The following FGGY variants were observed in gnomAD, a reference collection of about 807,000 sequenced individuals.
FGGY encodes FGGY carbohydrate kinase domain-containing protein.
Under a neutral mutation model 71.3 loss-of-function variants are expected in FGGY, and 72 were observed. The observed-to-expected ratio is 1.01, with a 90% CI of 0.84 to 1.23. The LOEUF (loss-of-function observed/expected upper bound fraction) is 1.23, where lower values mean the gene tolerates loss of function less well. Ranked by LOEUF, FGGY falls within the 50% of genes most tolerant of loss-of-function variation. The pLI is 0.00. For missense variants in FGGY, 668 were observed against 682.3 expected (o/e 0.98, Z 0.23); for synonymous variants, 251 against 250.3 (o/e 1.00, Z -0.02).
At chr1:59,522,244 T>C (rs1205267748) in intron 7 of FGGY, among the ~76,000 whole-genome samples, 1 of 152,254 alleles carries the variant, frequency 6.6e-6, no homozygotes, top group Non-Finnish European at 1.5e-5. Context: ...GCAGAGCCTA[T>C]GAGCTCTCCC....
intron 14 of FGGY, chr1:59,698,761 A>G: frequency 1.0e-6 from 1 of 985,422 alleles, no homozygotes; most frequent in African/African-American, 1.7e-5. Flanking sequence ...CTTTCTGCTT[A>G]AAGAGAAAGC....
At chr1:59,372,651 AAATCCTCAATAAAATACTGGCAAACTG>A (rs1351453014) in intron 4 of FGGY, among the ~76,000 whole-genome samples, 1 of 152,222 alleles carries the variant, frequency 6.6e-6, no homozygotes, top group East Asian at 1.9e-4. Context: ...ATTGATGCAA[AAATCCTCAATAAAATACTGGCAAACTG>A]AATCCAGCAC....
chr1:59,718,003 A>G (rs1471322403), intron 14 of FGGY, among the ~76,000 whole-genome samples: 1 of 152,178 alleles, frequency 6.6e-6, no homozygotes, highest in Non-Finnish European at 1.5e-5. Flanking sequence ...CACAGCTGGT[A>G]TGTAGAGAAA....
intron 11 of FGGY, among the ~76,000 whole-genome samples, chr1:59,650,640 AT>A (rs1558675313): frequency 9.0e-6 from 1 of 110,710 alleles, no homozygotes; most frequent in Non-Finnish European, 1.7e-5. Context: ...TTCTTCTCTC[AT>A]TTCTTCTTTA....
At chr1:59,635,090 C>T (rs1026702322) in intron 10 of FGGY, among the ~76,000 whole-genome samples, 3 of 152,072 alleles carry the variant, frequency 2.0e-5, no homozygotes, top group African/African-American at 4.8e-5. Context: ...TGAGAAGGAA[C>T]TGATAAAACA....
chr1:59,390,946 A>G (rs751013309), intron 5 of FGGY, among the ~76,000 whole-genome samples: 3 of 152,216 alleles, frequency 2.0e-5, no homozygotes, highest in Admixed American at 6.5e-5. Flanking sequence ...TCTGTGAGGC[A>G]TTCTCTCCCT....
chr1:59,750,296 T>TA (rs1372412021), intron 14 of FGGY, among the ~76,000 whole-genome samples: 4 of 152,226 alleles, frequency 2.6e-5, no homozygotes, highest in Middle Eastern at 3.4e-3. Context: ...ACTGGGCGTC[T>TA]AAAAATTTTT....
At chr1:59,359,026 G>T (rs1557662437) in intron 4 of FGGY, among the ~76,000 whole-genome samples, 2 of 152,190 alleles carry the variant, frequency 1.3e-5, no homozygotes, top group Non-Finnish European at 2.9e-5. Context: ...AAAAATTATT[G>T]TAAAGGTTAG....
chr1:59,438,367 CTTTG>C (rs2068980578), intron 5 of FGGY, among the ~76,000 whole-genome samples: 1 of 152,188 alleles, frequency 6.6e-6, no homozygotes, highest in African/African-American at 2.4e-5. Context: ...TCACTTCCTT[CTTTG>C]TTTCAATATA....
intron 15 of FGGY, among the ~76,000 whole-genome samples, chr1:59,758,513 C>T (rs946066699): frequency 2.0e-5 from 3 of 152,146 alleles, no homozygotes; most frequent in Admixed American, 6.5e-5. Context: ...TTTAGAACAA[C>T]GGGATAAGTT....
intron 9 of FGGY, among the ~76,000 whole-genome samples, chr1:59,620,185 A>T (rs962121015): frequency 3.3e-5 from 5 of 152,030 alleles, no homozygotes; most frequent in Admixed American, 6.6e-5. Context: ...AAAGAGTACC[A>T]TCATTTATAT....
intron 8 of FGGY, among the ~76,000 whole-genome samples, chr1:59,587,510 C>A (rs908690806): frequency 2.6e-4 from 39 of 152,096 alleles, no homozygotes; most frequent in African/African-American, 9.2e-4. Flanking sequence ...GGTCCCTGAC[C>A]CCTGACCCCC....
intron 6 of FGGY, among the ~76,000 whole-genome samples, chr1:59,477,039 T>C (rs765401572): frequency 1.3e-5 from 2 of 152,226 alleles, no homozygotes; most frequent in African/African-American, 4.8e-5. Context: ...TTGAAAGTTA[T>C]TGACTTGGGA....
chr1:59,434,902 T>C (rs2068105393), intron 5 of FGGY, among the ~76,000 whole-genome samples: 1 of 152,202 alleles, frequency 6.6e-6, no homozygotes, highest in African/African-American at 2.4e-5. Context: ...GTTACACATT[T>C]TGAAGTCTCT....
At chr1:59,663,987 C>G (rs2097301179) in intron 12 of FGGY, among the ~76,000 whole-genome samples, 1 of 152,082 alleles carries the variant, frequency 6.6e-6, no homozygotes, top group Non-Finnish European at 1.5e-5. Context: ...GGATTGTAAT[C>G]AAGTTAACTT....
intron 4 of FGGY, among the ~76,000 whole-genome samples, chr1:59,372,860 C>A (rs996695691): frequency 6.9e-6 from 1 of 143,968 alleles, no homozygotes; most frequent in South Asian, 2.1e-4. Flanking sequence ...AATTCAACAA[C>A]CCTTCATGCT....
chr1:59,585,401 C>T (rs180942501), intron 8 of FGGY, among the ~76,000 whole-genome samples: 1 of 152,218 alleles, frequency 6.6e-6, no homozygotes, highest in African/African-American at 2.4e-5. Context: ...ACAAACCTGA[C>T]AGAAACAAGA....
At chr1:59,574,602 GTATT>G (rs1056588470) in intron 8 of FGGY, among the ~76,000 whole-genome samples, 46 of 152,208 alleles carry the variant, frequency 3.0e-4, no homozygotes, top group African/African-American at 1.1e-3. Context: ...TAAAAATAAA[GTATT>G]AATTTATTTG....
chr1:59,459,216 G>A (rs1034129054), intron 6 of FGGY, among the ~76,000 whole-genome samples: 5 of 152,108 alleles, frequency 3.3e-5, no homozygotes, highest in South Asian at 2.1e-4. Context: ...TTTTTAAAAT[G>A]AATTATTTAT....
Sources: allele counts gnomAD v4.1 joint callset (sites outside exome capture counted in the v4.1 genomes callset), GRCh38; gene constraint gnomAD v4.1.1; transcripts MANE v1.5; gene names NCBI Gene and HGNC (gene_info 2026-07-23, HGNC 2026-07-21).